Variants in TMTC2 observed in about 807,000 individuals in gnomAD.
The protein encoded by TMTC2 is transmembrane O-mannosyltransferase targeting cadherins 2.
In TMTC2, 43 loss-of-function variants were observed where a neutral mutation model predicts 82.4. The observed-to-expected ratio is 0.52, with a 90% CI of 0.41 to 0.67. The LOEUF is 0.67. Among genes scored for constraint, TMTC2 ranks in the 30% least tolerant of loss-of-function variants. The pLI is 0.00. For missense variants in TMTC2, 919 were observed against 1,012.4 expected (o/e 0.91, Z 1.25); for synonymous variants, 408 against 381.9 (o/e 1.07, Z -0.80).
chr12:83,099,814 G>A (rs1884153764), intron 11 of TMTC2, among the ~76,000 whole-genome samples: 1 of 151,500 alleles, frequency 6.6e-6, no homozygotes, highest in Admixed American at 6.6e-5. Flanking sequence ...TTTTATTCCA[G>A]TAAAGAAGTG....
At chr12:82,809,230 C>G (rs1879380250) in intron 1 of TMTC2, among the ~76,000 whole-genome samples, 1 of 151,846 alleles carries the variant, frequency 6.6e-6, no homozygotes, top group Non-Finnish European at 1.5e-5. Flanking sequence ...ATAAATTGTT[C>G]TTGGTTATAT....
At chr12:82,938,200 C>T (rs1049101638) in intron 4 of TMTC2, among the ~76,000 whole-genome samples, 2 of 152,028 alleles carry the variant, frequency 1.3e-5, no homozygotes, top group African/African-American at 4.8e-5. Flanking sequence ...AGGCATGAGT[C>T]ACTGTGCCCG....
chr12:83,125,675 A>G (rs1436547057), intron 11 of TMTC2, among the ~76,000 whole-genome samples: 1 of 152,206 alleles, frequency 6.6e-6, no homozygotes, highest in Non-Finnish European at 1.5e-5. Context: ...GAAATTTGAA[A>G]TGCATTTTCT....
At chr12:82,985,816 C>A in intron 7 of TMTC2, 109 bp from the exon 8 acceptor site, 1 of 1,364,380 alleles carries the variant, frequency 7.3e-7, no homozygotes, top group Non-Finnish European at 9.9e-7. Flanking sequence ...GTACTTCCCA[C>A]AGCATCTGAA....
intron 11 of TMTC2, among the ~76,000 whole-genome samples, chr12:83,073,182 T>C (rs1223495852): frequency 6.6e-5 from 10 of 152,184 alleles, no homozygotes; most frequent in Admixed American, 6.5e-4. Context: ...GGTAGGTTGG[T>C]AATGTGTATT....
At chr12:82,907,563 A>G (rs901485973) in intron 3 of TMTC2, among the ~76,000 whole-genome samples, 1 of 152,102 alleles carries the variant, frequency 6.6e-6, no homozygotes, top group Non-Finnish European at 1.5e-5. Flanking sequence ...GGCAGGAAAA[A>G]AAATCCAGAC....
At chr12:82,956,628 A>T (rs988118971) in intron 4 of TMTC2, among the ~76,000 whole-genome samples, 1 of 152,036 alleles carries the variant, frequency 6.6e-6, no homozygotes, top group South Asian at 2.1e-4. Context: ...TAATTTTTGT[A>T]TTTTTAGTAG....
Position 83,004,722 on chromosome 12 carries a change from ATTTTTTTTTTTTTTTTTTTTTTT to A in TMTC2, c.2070+18699_2070+18721del, listed in dbSNP as rs528076999. On this transcript the variant is annotated intron_variant, in intron 8 of 11. Coordinates refer to ENST00000321196, the MANE Select transcript of TMTC2 (RefSeq NM_152588.3). ...TTCACAGGCAGTGTATACTGGCCGA[ATTTTTTTTTTTTTTTTTTTTTTT>A]TTTTTTTTTTTTTTTTTTTTTTGAG... Among the ~76,000 whole-genome samples, 100 of 36,030 alleles carry A rather than the reference ATTTTTTTTTTTTTTTTTTTTTTT, an allele frequency of 2.8e-3. 1 individual carries two copies. Among genetic ancestry groups the A allele is most frequent in the Non-Finnish European group, 4.1e-3 (77 of 18,962 alleles). 23.6% of individuals were successfully genotyped at this position (36,030 alleles called of 152,430 possible). A position where few individuals can be genotyped will look rare whatever the true frequency, so the allele number is the denominator to read the frequency against.
intron 11 of TMTC2, among the ~76,000 whole-genome samples, chr12:83,093,533 T>G (rs541729944): frequency 6.6e-6 from 1 of 152,350 alleles, no homozygotes; most frequent in African/African-American, 2.4e-5. Context: ...TTCTGTGTGT[T>G]AAGTAAGTTG....
At chr12:82,688,771 T>A (rs932964886) in intron 1 of TMTC2, among the ~76,000 whole-genome samples, 4 of 152,144 alleles carry the variant, frequency 2.6e-5, no homozygotes, top group South Asian at 2.1e-4. Flanking sequence ...AGTGAATGGA[T>A]CCCCAGGGTT....
intron 1 of TMTC2, among the ~76,000 whole-genome samples, chr12:82,743,446 CAAA>C (rs370208896): frequency 4.8e-5 from 4 of 83,778 alleles, no homozygotes; most frequent in Non-Finnish European, 4.9e-5. Flanking sequence ...GACTCCGTCT[CAAA>C]AAAAAAAAAA....
chr12:83,044,520 G>A (rs541636666), intron 9 of TMTC2, among the ~76,000 whole-genome samples: 12 of 152,106 alleles, frequency 7.9e-5, no homozygotes, highest in African/African-American at 1.2e-4. Flanking sequence ...TCAGACTGCC[G>A]TTTTGAGAAC....
intron 1 of TMTC2, among the ~76,000 whole-genome samples, chr12:82,687,919 C>G (rs766221181): frequency 6.6e-6 from 1 of 152,190 alleles, no homozygotes; most frequent in African/African-American, 2.4e-5. Flanking sequence ...TTGGCAGACG[C>G]TTGAGTTTCT....
chr12:83,073,488 G>A (rs562024260), intron 11 of TMTC2, among the ~76,000 whole-genome samples: 9 of 152,186 alleles, frequency 5.9e-5, no homozygotes, highest in African/African-American at 1.9e-4. Context: ...AATTTTCCAG[G>A]TGTTCTTTGT....
intron 4 of TMTC2, among the ~76,000 whole-genome samples, chr12:82,951,245 GA>G (rs1877328716): frequency 6.6e-6 from 1 of 152,014 alleles, no homozygotes; most frequent in Non-Finnish European, 1.5e-5. Flanking sequence ...TTAGTTCAAT[GA>G]AAGTATAGAG....
At chr12:82,818,184 C>G (rs904136878) in intron 1 of TMTC2, among the ~76,000 whole-genome samples, 1 of 152,042 alleles carries the variant, frequency 6.6e-6, no homozygotes, top group Non-Finnish European at 1.5e-5. Flanking sequence ...GCAGTACTTG[C>G]TATGGAACTG....
At chr12:82,909,025 CT>C (rs1164388446) in intron 3 of TMTC2, among the ~76,000 whole-genome samples, 1 of 152,184 alleles carries the variant, frequency 6.6e-6, no homozygotes, top group Non-Finnish European at 1.5e-5. Context: ...TTGCCCCAAA[CT>C]TTGTGAAGGT....
chr12:82,994,206 G>A (rs1350780535), intron 8 of TMTC2, among the ~76,000 whole-genome samples: 1 of 152,042 alleles, frequency 6.6e-6, no homozygotes, highest in East Asian at 1.9e-4. Context: ...GCCCCAGGCT[G>A]GAGTGCAGTG....
At chr12:82,899,590 AATAT>A (rs1174730580) in intron 3 of TMTC2, among the ~76,000 whole-genome samples, 1 of 112,268 alleles carries the variant, frequency 8.9e-6, no homozygotes, top group African/African-American at 5.6e-5. Context: ...TATATATAAG[AATAT>A]ATATATGTGG....
Sources: gnomAD v4.1 joint callset for allele counts (sites outside exome capture counted in the v4.1 genomes callset) on GRCh38, gnomAD v4.1.1 for gene constraint, MANE v1.5 for transcripts, NCBI Gene and HGNC (gene_info 2026-07-23, HGNC 2026-07-21) for gene names.